Variants in TRPV4 observed in about 807,000 individuals in gnomAD.
The protein encoded by TRPV4 is transient receptor potential cation channel subfamily V member 4, also known as OSM9-like transient receptor potential channel 4.
Under a neutral mutation model 84.1 loss-of-function variants are expected in TRPV4, and 58 were observed. The ratio of observed to expected loss-of-function variants is 0.69; its 90% confidence interval spans 0.56 to 0.86. The LOEUF is 0.86. Among genes scored for constraint, TRPV4 ranks in the 40% least tolerant of loss-of-function variants. TRPV4 has a pLI of 0.00. For missense variants in TRPV4, 879 were observed against 1,181.1 expected, an observed-to-expected ratio of 0.74 and a Z score of 3.75; for synonymous variants, 489 against 500.9, an observed-to-expected ratio of 0.98 and a Z score of 0.32.
At chr12:109,808,156 A>T in intron 3 of TRPV4, 140 bp downstream of exon 3, 2 of 896,498 alleles carry the variant, frequency 2.2e-6, no homozygotes, top group Non-Finnish European at 3.6e-6. Context: ...ACAGGACCAG[A>T]CTCCCTGTCC....
intron 7 of TRPV4, among the ~76,000 whole-genome samples, chr12:109,795,671 A>C (rs1482870929): frequency 1.3e-5 from 2 of 152,246 alleles, no homozygotes; most frequent in African/African-American, 4.8e-5. Context: ...ATATTACCAA[A>C]GAATATTTAA....
At chr12:109,827,679 CACAT>C (rs1230420036) in intron 1 of TRPV4, among the ~76,000 whole-genome samples, 6 of 151,530 alleles carry the variant, frequency 4.0e-5, no homozygotes, top group African/African-American at 1.5e-4. Context: ...CACACATGCA[CACAT>C]AGACATTCAC....
chr12:109,788,527 A>G lies in TRPV4; in HGVS notation c.2081T>C (p.Val694Ala). The G allele has an allele frequency of 6.2e-7, 1 of 1,614,214 alleles. No homozygotes were observed. The highest frequency in any genetic ancestry group is 1.1e-5 in the South Asian group (1 of 91,084). ...EMLSSTKYPV[V>A]FIILLVTYII... ...GTAGGTCACCAGCAGGATGATGAAG[A>G]CCACGGGGTACTTGGTGCTGCTCAG... Residue 694 changes from valine (V) to alanine (A), a missense_variant, in exon 13 of 16, where the codon GTC becomes GCC. Val to Ala is a moderately conservative substitution (Grantham distance 64, BLOSUM62 0). Transcript: ENST00000261740.
intron 2 of TRPV4, among the ~76,000 whole-genome samples, chr12:109,810,394 A>AGGGGAAGGGGAATGCAGTT (rs1389843503): frequency 6.6e-6 from 1 of 152,158 alleles, no homozygotes; most frequent in Non-Finnish European, 1.5e-5. Flanking sequence ...GCAGGGCCAG[A>AGGGGAAGGGGAATGCAGTT]GGGGAAGGGG....
At chr12:109,823,155 G>A (rs1892156552) in intron 1 of TRPV4, among the ~76,000 whole-genome samples, 1 of 152,186 alleles carries the variant, frequency 6.6e-6, no homozygotes, top group Non-Finnish European at 1.5e-5. Flanking sequence ...CAGCAGTAGG[G>A]GGGCATCATG....
At position 109,794,483 on chromosome 12, in the gene TRPV4, C is replaced by T. The variant is rs143502097; in HGVS notation, c.1337G>A (p.Arg446His). ...ILVYNSKIEN[R>H]HEMLAVEPIN... is the part of the protein sequence containing the mutation. ...GGGCTCCACAGCCAGCATCTCGTGG[C>T]GGTTCTAAGAGAGGCAGGGTGGTCG... is the stretch of plus-strand genomic sequence containing the variant. Residue 446 changes from arginine to histidine, a missense_variant, in exon 8 of 16, where the codon CGC becomes CAC. By Grantham distance (29) the Arg-to-His change is conservative. This residue lies in a region of TRPV4 where 521 missense variants were observed against 686.6 expected (regional missense o/e 0.76). Transcript: ENST00000261740. 2.4e-5 allele frequency: 39 copies of T among 1,613,566 alleles called. No homozygotes were observed. The highest frequency in any genetic ancestry group is 3.1e-5 in the Non-Finnish European group (37 of 1,179,898).
At chr12:109,821,119 G>T (rs999449574) in intron 1 of TRPV4, among the ~76,000 whole-genome samples, 1 of 152,266 alleles carries the variant, frequency 6.6e-6, no homozygotes, top group Non-Finnish European at 1.5e-5. Context: ...ACCAAGGAAA[G>T]CTGCTTAAAT....
At chr12:109,808,743 C>T (rs975524212) in intron 2 of TRPV4, among the ~76,000 whole-genome samples, 3 of 152,044 alleles carry the variant, frequency 2.0e-5, no homozygotes, top group Admixed American at 6.6e-5. Context: ...ATCCACTCAC[C>T]GACCCATCCA....
In TRPV4 at chr12:109,784,636, C is replaced by T. The variant is rs1170017057; in HGVS notation, c.2337-199G>A. On this transcript the variant is annotated intron_variant, in intron 14 of 15. Transcript: ENST00000261740. ...TTTGAGGTCAGGAGTTCGAGACCAG[C>T]CTGGCCAACATGGTGAAACCCCACC... 2.0e-5 allele frequency among the ~76,000 whole-genome samples: 3 copies of T among 151,762 alleles called. No homozygotes were observed. In the South Asian group the frequency reaches 6.3e-4, roughly 32 times the overall value.
intron 4 of TRPV4, among the ~76,000 whole-genome samples, chr12:109,802,017 G>A (rs1890816232): frequency 6.6e-6 from 1 of 152,074 alleles, no homozygotes; most frequent in Non-Finnish European, 1.5e-5. Flanking sequence ...CTTAGAACTT[G>A]TGAACTCAGG....
rs1333827803 is a variant in TRPV4, at chr12:109,803,049, C to T, written c.654G>A (p.Glu218=). 2 of 1,614,090 alleles carry T rather than the reference C, an allele frequency of 1.2e-6. No individual in the cohort carries two copies. The change falls in exon 4 of 16, where the codon GAG becomes GAA. Residue 218 remains glutamate (E), a synonymous_variant. Transcript: ENST00000261740. Reference sequence around the variant, plus strand: ...TGAACTCCCTCATGTTGCCGGTGCGCTCCGCGATGTCCAGCAGCACAGGGA... The same window carrying T: ...TGAACTCCCTCATGTTGCCGGTGCGTTCCGCGATGTCCAGCAGCACAGGGA... The part of the protein sequence containing the change: ...DTIPVLLDIA[E]RTGNMREFIN...
At chr12:109,802,613 TA>T (rs1269750410) in intron 4 of TRPV4, among the ~76,000 whole-genome samples, 8 of 92,886 alleles carry the variant, frequency 8.6e-5, no homozygotes, top group Non-Finnish European at 1.4e-4. Flanking sequence ...TCTTTTATTT[TA>T]TTTTTTTTTT....
chr12:109,785,746 A>G (rs1889646379), intron 14 of TRPV4, among the ~76,000 whole-genome samples: 2 of 149,980 alleles, frequency 1.3e-5, no homozygotes, highest in South Asian at 4.5e-4. Context: ...TTCAAACTGA[A>G]CAGAGGCTGG....
intron 3 of TRPV4, 92 bp downstream of exon 3, chr12:109,808,204 A>C: frequency 1.4e-6 from 2 of 1,469,328 alleles, no homozygotes; most frequent in Non-Finnish European, 1.9e-6. Context: ...ACCGACCCAA[A>C]GAAAGAAGCT....
chr12:109,818,160 G>T (rs1402842169), intron 1 of TRPV4, among the ~76,000 whole-genome samples: 2 of 152,104 alleles, frequency 1.3e-5, no homozygotes, highest in African/African-American at 4.8e-5. Context: ...TGTCCTGGGT[G>T]CCAGGTGAGG....
Position 109,800,751 on chromosome 12 carries a change from T to C in TRPV4, c.720A>G (p.Thr240=). 1 of 1,610,000 alleles carries C rather than the reference T, an allele frequency of 6.2e-7. No homozygotes were observed. Among genetic ancestry groups the C allele is most frequent in the Non-Finnish European group, 8.5e-7 (1 of 1,178,190 alleles). Residue 240 remains threonine, a synonymous_variant, in exon 5 of 16, where the codon ACA becomes ACG. Coordinates refer to ENST00000261740, the MANE Select transcript of TRPV4 (RefSeq NM_021625.5). ...GACGCTCAATGGCGATGTGCAGGGCTGTCTGACCTGGGGGCAGGGGACGGT... is the reference window on the plus strand; with the variant it reads ...GACGCTCAATGGCGATGTGCAGGGCCGTCTGACCTGGGGGCAGGGGACGGT... ...PFRDIYYRGQ[T]ALHIAIERRC... is the part of the protein sequence containing the mutation.
Position 109,830,727 on chromosome 12 carries a change from G to T in TRPV4, c.-32+2623C>A, listed in dbSNP as rs191112759. On this transcript the variant is annotated intron_variant, in intron 1 of 15. Coordinates refer to ENST00000261740, the MANE Select transcript of TRPV4 (RefSeq NM_021625.5). ...GGGGGAAACTGAGGCAGACAGCAGG[G>T]TCAAGGGCCTGCATGGAGTAGAGAC... 3.3e-4 allele frequency among the ~76,000 whole-genome samples: 50 copies of T among 152,300 alleles called. No homozygotes were observed. The East Asian group carries it at 7.5e-3, about 23-fold the overall frequency.
intron 1 of TRPV4, among the ~76,000 whole-genome samples, chr12:109,827,444 G>A (rs1892284219): frequency 6.6e-6 from 1 of 151,930 alleles, no homozygotes; most frequent in African/African-American, 2.4e-5. Flanking sequence ...TGTGTGCCAA[G>A]CAGGGACAGG....
At chr12:109,795,477 G>T (rs1293822975) in intron 7 of TRPV4, among the ~76,000 whole-genome samples, 1 of 152,152 alleles carries the variant, frequency 6.6e-6, no homozygotes, top group Non-Finnish European at 1.5e-5. Context: ...AGCATTTTCT[G>T]CTCCATTTTT....
Sources: gnomAD v4.1 joint callset for allele counts (sites outside exome capture counted in the v4.1 genomes callset) on GRCh38, gnomAD v4.1.1 for gene constraint, gnomAD v4.1.1 regional missense constraint, MANE v1.5 for transcripts, NCBI Gene and HGNC (gene_info 2026-07-23, HGNC 2026-07-21) for gene names.